HDAC11: variants seen among roughly 807,000 people sequenced by gnomAD.
HDAC11 encodes histone deacetylase 11.
A neutral mutation model predicts 41.1 loss-of-function variants in HDAC11; 23 were observed. The observed-to-expected ratio is 0.56, with a 90% CI of 0.40 to 0.79. The LOEUF (loss-of-function observed/expected upper bound fraction) is 0.79. Ranked by LOEUF, HDAC11 falls within the 30% of genes least tolerant of loss-of-function variation. The pLI, the probability that HDAC11 is intolerant of heterozygous loss-of-function variation, is 0.00. For missense variants in HDAC11, 402 were observed against 477.3 expected, an observed-to-expected ratio of 0.84 and a Z score of 1.47; for synonymous variants, 187 against 186.6, an observed-to-expected ratio of 1.00 and a Z score of -0.02.
At chr3:13,490,937 G>A (rs1701829211) in intron 3 of HDAC11, among the ~76,000 whole-genome samples, 1 of 151,666 alleles carries the variant, frequency 6.6e-6, no homozygotes, top group African/African-American at 2.4e-5. Flanking sequence ...TTTTAGTAGA[G>A]ATGGGGTTTC....
At chr3:13,497,083 G>A (rs542577840) in intron 4 of HDAC11, among the ~76,000 whole-genome samples, 3 of 152,072 alleles carry the variant, frequency 2.0e-5, no homozygotes, top group South Asian at 2.1e-4. Flanking sequence ...ATTTGTTACC[G>A]TAATTGCTAG....
intron 3 of HDAC11, among the ~76,000 whole-genome samples, chr3:13,486,573 T>G (rs970788371): frequency 2.8e-4 from 6 of 21,464 alleles, no homozygotes; most frequent in East Asian, 8.8e-3. Flanking sequence ...GTAGAGGTGT[T>G]TTTTTTTTTT....
chr3:13,492,435 C>G (rs988975553), intron 3 of HDAC11, among the ~76,000 whole-genome samples: 6 of 152,266 alleles, frequency 3.9e-5, no homozygotes, highest in African/African-American at 1.4e-4. Flanking sequence ...AGCTGGCATC[C>G]TTTTGAGGGA....
In HDAC11 at chr3:13,481,347, A is replaced by G; in HGVS notation, c.104A>G (p.His35Arg). The change falls in exon 2 of 10, where the codon CAT (histidine) becomes CGT (arginine). Residue 35 changes from histidine (H) to arginine (R), a missense_variant. Physicochemically the swap from His to Arg is conservative, Grantham distance 29. Coordinates refer to ENST00000295757, the MANE Select transcript of HDAC11 (RefSeq NM_024827.4). ...ACCTTCATGGGCCTGGAGAAGCTGC[A>G]TCCCTTTGATGCCGGAAAATGGGGC... The part of the protein sequence containing the change: ...NITFMGLEKL[H>R]PFDAGKWGKV... 6.2e-7 allele frequency: 1 copy of G among 1,614,108 alleles called. No individual in the cohort carries two copies.
chr3:13,501,781 C>A, intron 6 of HDAC11, 90 bp from the exon 7 acceptor site: 2 of 1,215,336 alleles, frequency 1.6e-6, no homozygotes, highest in Non-Finnish European at 2.4e-6. Context: ...GGCCCCCCTC[C>A]CCGCCCCTCG....
At position 13,501,913 on chromosome 3, in the gene HDAC11, A is replaced by T; in HGVS notation, c.532A>T (p.Ile178Phe). Residue 178 changes from isoleucine (I) to phenylalanine (F), a missense_variant, in exon 7 of 10, where the codon ATT becomes TTT. Ile to Phe is a conservative substitution (Grantham distance 21, BLOSUM62 0). Transcript: ENST00000295757. ...RVEGISRATI[I>F]DLDAHQGNGH... Reference sequence around the variant, plus strand: ...GGAGGGCATCTCCAGGGCTACCATCATTGATCTTGATGCCCATCAGGTGAG... The same window carrying T: ...GGAGGGCATCTCCAGGGCTACCATCTTTGATCTTGATGCCCATCAGGTGAG... 6.2e-7 allele frequency: 1 copy of T among 1,613,942 alleles called. No homozygotes were observed. The highest frequency in any genetic ancestry group is 8.5e-7 in the Non-Finnish European group (1 of 1,179,934).
intron 3 of HDAC11, among the ~76,000 whole-genome samples, chr3:13,484,705 G>A (rs557101399): frequency 6.6e-6 from 1 of 152,298 alleles, no homozygotes; most frequent in South Asian, 2.1e-4. Flanking sequence ...ATTTCTTAAT[G>A]TGGCACTCAT....
chr3:13,503,884 G>A (rs1702485838), intron 8 of HDAC11, among the ~76,000 whole-genome samples: 3 of 152,214 alleles, frequency 2.0e-5, no homozygotes, highest in South Asian at 4.1e-4. Context: ...CACCCCCAGG[G>A]CAGTGTCTCA....
At chr3:13,486,306 TAGTC>T (rs1435914965) in intron 3 of HDAC11, among the ~76,000 whole-genome samples, 7 of 145,814 alleles carry the variant, frequency 4.8e-5, no homozygotes, top group East Asian at 2.0e-4. Context: ...GATGAAGAAG[TAGTC>T]AGTCATTCAA....
chr3:13,501,160 A>G (rs1377540581), intron 6 of HDAC11, among the ~76,000 whole-genome samples: 1 of 152,336 alleles, frequency 6.6e-6, no homozygotes, highest in Non-Finnish European at 1.5e-5. Flanking sequence ...GCAGTTCTGC[A>G]TGCTCCAACC....
intron 3 of HDAC11, among the ~76,000 whole-genome samples, chr3:13,487,541 C>T (rs936948079): frequency 1.3e-5 from 2 of 151,108 alleles, no homozygotes; most frequent in African/African-American, 4.8e-5. Context: ...GTGCAAGGTC[C>T]AGGGTTGGCC....
intron 3 of HDAC11, among the ~76,000 whole-genome samples, chr3:13,494,853 C>T (rs990997149): frequency 2.0e-5 from 3 of 152,166 alleles, no homozygotes; most frequent in African/African-American, 7.2e-5. Context: ...AGCCATGAGG[C>T]CCCTGCTGGG....
At position 13,502,976 on chromosome 3, in the gene HDAC11, C is replaced by G; in HGVS notation, c.645C>G (p.Ala215=). The change falls in exon 8 of 10, where the codon GCC becomes GCG. Residue 215 remains alanine (A), a synonymous_variant. Transcript: ENST00000295757. The surrounding 1 kb of genome is among the most constrained non-coding windows in gnomAD (Gnocchi z 4.1). ...ACATCTACCCAGGGGACCGCTTTGC[C>G]AAGCGTAAGCTGCTGCCCCTACCCT... ...NRHIYPGDRF[A]KQAIRRKVEL... 6.2e-7 allele frequency: 1 copy of G among 1,611,542 alleles called. No individual in the cohort carries two copies. The highest frequency in any genetic ancestry group is 8.5e-7 in the Non-Finnish European group (1 of 1,177,938).
Position 13,498,535 on chromosome 3 carries a change from G to A in HDAC11, c.392G>A (p.Arg131Gln), listed in dbSNP as rs770666531. Residue 131 changes from arginine to glutamine, a missense_variant, in exon 5 of 10, where the codon CGA becomes CAA. By Grantham distance (43) the Arg-to-Gln change is conservative (BLOSUM62 1). Coordinates refer to ENST00000295757, the MANE Select transcript of HDAC11 (RefSeq NM_024827.4). ...TIMAGKLAVE[R>Q]GWAINVGGGF... ...AAGGCGGGGAAGCTGGCTGTGGAGC[G>A]AGGCTGGGCCATCAACGTGGGTGAG... The A allele has an allele frequency of 3.7e-6, 6 of 1,613,984 alleles. No homozygotes were observed. The highest frequency in any genetic ancestry group is 1.1e-5 in the South Asian group (1 of 91,082).
Position 13,504,664 on chromosome 3 carries a change from T to G in HDAC11, c.1025T>G (p.Leu342Arg). 6.2e-7 allele frequency: 1 copy of G among 1,613,726 alleles called. No individual in the cohort carries two copies. The highest frequency in any genetic ancestry group is 8.5e-7 in the Non-Finnish European group (1 of 1,179,956). Residue 342 changes from leucine to arginine, a missense_variant, in exon 10 of 10, where the codon CTT becomes CGT. Physicochemically the swap from Leu to Arg is moderately radical, Grantham distance 102. Coordinates refer to ENST00000295757, the MANE Select transcript of HDAC11 (RefSeq NM_024827.4). Reference protein sequence around the residue: ...VSAQNSDTPLLPPAVP With the variant: ...VSAQNSDTPLRPPAVP ...GCACAGAACTCAGACACACCGCTGC[T>G]TCCCCCTGCAGTGCCCTGACCCTTG...
chr3:13,490,971 G>T (rs112195459), intron 3 of HDAC11, among the ~76,000 whole-genome samples: 1 of 151,166 alleles, frequency 6.6e-6, no homozygotes, highest in Non-Finnish European at 1.5e-5. Flanking sequence ...GTGTGGTCTC[G>T]ATCTCTTGAC....
intron 2 of HDAC11, among the ~76,000 whole-genome samples, chr3:13,481,865 G>C (rs1296882961): frequency 6.6e-6 from 1 of 152,332 alleles, no homozygotes; most frequent in Non-Finnish European, 1.5e-5. Flanking sequence ...TCGCAGCAGA[G>C]GCTCAGGAGC....
Position 13,500,715 on chromosome 3 carries a change from G to T in HDAC11, c.415G>T (p.Gly139Cys). Residue 139 changes from glycine to cysteine, a missense_variant and splice_region_variant, in exon 6 of 10, where the codon GGT (glycine) becomes TGT (cysteine). Physicochemically the swap from Gly to Cys is radical, Grantham distance 159. Coordinates refer to ENST00000295757, the MANE Select transcript of HDAC11 (RefSeq NM_024827.4). ...CACCGCTCTCTGCCCTTCCGCAGGGGGTGGCTTCCACCACTGCTCCAGCGA... is the reference window on the plus strand; with the variant it reads ...CACCGCTCTCTGCCCTTCCGCAGGGTGTGGCTTCCACCACTGCTCCAGCGA... Reference protein sequence around the residue: ...VERGWAINVGGGFHHCSSDRG... With the variant: ...VERGWAINVGCGFHHCSSDRG... 6.3e-7 allele frequency: 1 copy of T among 1,591,896 alleles called. No individual in the cohort carries two copies. Among genetic ancestry groups the T allele is most frequent in the South Asian group, 1.1e-5 (1 of 87,776 alleles).
rs1702501210 is a variant in HDAC11, at chr3:13,504,168, A to G, written c.724A>G (p.Ile242Val). Residue 242 changes from isoleucine to valine, a missense_variant, in exon 9 of 10, where the codon ATC (isoleucine) becomes GTC (valine). Coordinates refer to ENST00000295757, the MANE Select transcript of HDAC11 (RefSeq NM_024827.4). The part of the protein sequence containing the change: ...DEYLDKVERN[I>V]KKSLQEHLPD... The stretch of plus-strand genomic sequence containing the variant: ...GTACCTGGATAAGGTGGAGAGGAAC[A>G]TCAAGAAATCCCTCCAGGAGCACCT... The G allele has an allele frequency of 5.6e-6, 9 of 1,614,060 alleles. No homozygotes were observed. Among genetic ancestry groups the G allele is most frequent in the Non-Finnish European group, 7.6e-6 (9 of 1,180,028 alleles).
Sources: gnomAD v4.1 joint callset for allele counts (sites outside exome capture counted in the v4.1 genomes callset) on GRCh38, gnomAD v4.1.1 for gene constraint, Gnocchi (gnomAD v3.1) non-coding constraint, MANE v1.5 for transcripts, NCBI Gene and HGNC (gene_info 2026-07-23, HGNC 2026-07-21) for gene names.